The following SPIRE1 variants were observed in gnomAD, a reference collection of about 807,000 sequenced individuals.
SPIRE1 encodes protein spire homolog 1.
A neutral mutation model predicts 94.1 loss-of-function variants in SPIRE1; 40 were observed. The ratio of observed to expected loss-of-function variants is 0.43; its 90% CI spans 0.33 to 0.55. SPIRE1 has a LOEUF of 0.55. Ranked by LOEUF, SPIRE1 falls within the 20% of genes least tolerant of loss-of-function variation. SPIRE1 has a pLI of 0.06. For synonymous variants in SPIRE1, 376 were observed against 371.7 expected (o/e 1.01, Z -0.13); for missense variants, 838 against 975.2 (o/e 0.86, Z 1.87).
Position 12,635,048 on chromosome 18 carries a change from A to G in SPIRE1, c.372+14T>C, listed in dbSNP as rs1452847700. On this transcript the variant is annotated intron_variant, in intron 2 of 16. Coordinates refer to ENST00000409402, the MANE Select transcript of SPIRE1 (RefSeq NM_001128626.2). ...AAGCTGCTTTACTAAGAAATATTTG[A>G]GTATTTCACTTACCTCTGTTTCCAT... 3 of 1,424,458 alleles carry G rather than the reference A, an allele frequency of 2.1e-6. No individual in the cohort carries two copies. The highest frequency in any genetic ancestry group is 2.9e-6 in the Non-Finnish European group (3 of 1,034,876). 88.2% of individuals were successfully genotyped at this position (1,424,458 alleles called of 1,614,324 possible). A position where few individuals can be genotyped will look rare whatever the true frequency, so the allele number is the denominator to read the frequency against.
At chr18:12,601,314 T>C (rs559424166) in intron 2 of SPIRE1, among the ~76,000 whole-genome samples, 1 of 151,106 alleles carries the variant, frequency 6.6e-6, no homozygotes, top group South Asian at 2.1e-4. Flanking sequence ...TCCCAGCTAC[T>C]TGGGAGGCTG....
intron 10 of SPIRE1, among the ~76,000 whole-genome samples, chr18:12,477,483 T>C (rs377246331): frequency 1.3e-5 from 2 of 152,362 alleles, no homozygotes; most frequent in African/African-American, 4.8e-5. Flanking sequence ...TATAGGTTAG[T>C]ATGAATTTAT....
At chr18:12,535,985 A>C (rs1005351480) in intron 3 of SPIRE1, among the ~76,000 whole-genome samples, 3 of 151,978 alleles carry the variant, frequency 2.0e-5, no homozygotes, top group African/African-American at 7.3e-5. Context: ...AAAAACAGAC[A>C]CACCCCCATA....
At chr18:12,597,783 A>AG (rs1460825079) in intron 2 of SPIRE1, among the ~76,000 whole-genome samples, 2 of 152,186 alleles carry the variant, frequency 1.3e-5, no homozygotes, top group Non-Finnish European at 2.9e-5. Flanking sequence ...TCCACTTTCC[A>AG]GGGGCACAAT....
intron 2 of SPIRE1, among the ~76,000 whole-genome samples, chr18:12,615,471 T>C (rs7504522): frequency 1 from 137,255 of 137,564 alleles, 68,473 homozygotes; most frequent in Middle Eastern, 1. Context: ...ACCAGGGAGG[T>C]GGAGGTTGCA....
intron 2 of SPIRE1, among the ~76,000 whole-genome samples, chr18:12,566,553 A>G (rs1298049198): frequency 1.3e-5 from 2 of 152,166 alleles, no homozygotes; most frequent in Non-Finnish European, 2.9e-5. Context: ...GCTTATGTAT[A>G]TATCTTATTC....
At chr18:12,628,280 T>C (rs1598555699) in intron 2 of SPIRE1, among the ~76,000 whole-genome samples, 1 of 152,214 alleles carries the variant, frequency 6.6e-6, no homozygotes, top group African/African-American at 2.4e-5. Flanking sequence ...TAGCCAGTTT[T>C]CCCAGTACCA....
chr18:12,464,447 T>C (rs1386691558), intron 11 of SPIRE1, among the ~76,000 whole-genome samples: 3 of 152,236 alleles, frequency 2.0e-5, no homozygotes, highest in Non-Finnish European at 1.5e-5. Flanking sequence ...GTTCAGAATC[T>C]ATCTCCTAAA....
At chr18:12,644,511 G>GA (rs954115728) in intron 1 of SPIRE1, among the ~76,000 whole-genome samples, 2 of 151,774 alleles carry the variant, frequency 1.3e-5, no homozygotes, top group Admixed American at 6.6e-5. Context: ...GCAAAAGAAG[G>GA]AAAAAAACAA....
At chr18:12,554,499 A>C (rs1429664291) in intron 2 of SPIRE1, among the ~76,000 whole-genome samples, 1 of 152,192 alleles carries the variant, frequency 6.6e-6, no homozygotes, top group Non-Finnish European at 1.5e-5. Context: ...CAAAGTGATA[A>C]AAAGCTTCCC....
intron 6 of SPIRE1, among the ~76,000 whole-genome samples, chr18:12,503,330 A>C (rs2033725730): frequency 1.3e-5 from 2 of 152,164 alleles, no homozygotes; most frequent in Non-Finnish European, 2.9e-5. Flanking sequence ...CACAGCGCGC[A>C]TCCGACCTCT....
chr18:12,600,146 A>G (rs1176326889), intron 2 of SPIRE1, among the ~76,000 whole-genome samples: 1 of 151,596 alleles, frequency 6.6e-6, no homozygotes, highest in Non-Finnish European at 1.5e-5. Context: ...TACCATCACA[A>G]GGAGCTGAAT....
chr18:12,576,530 C>T (rs193063057), intron 2 of SPIRE1, among the ~76,000 whole-genome samples: 152 of 137,074 alleles, frequency 1.1e-3, no homozygotes, highest in Middle Eastern at 4.5e-3. Context: ...TGAGGTGAGC[C>T]GAGATCGTGC....
intron 2 of SPIRE1, among the ~76,000 whole-genome samples, chr18:12,579,970 T>G (rs948034500): frequency 3.3e-5 from 5 of 152,228 alleles, no homozygotes; most frequent in Admixed American, 1.3e-4. Context: ...TTTTAAATAC[T>G]TTCTTCTCTT....
chr18:12,633,121 T>C (rs1048738423), intron 2 of SPIRE1, among the ~76,000 whole-genome samples: 9 of 152,162 alleles, frequency 5.9e-5, no homozygotes, highest in Admixed American at 4.6e-4. Flanking sequence ...TTACTCAAAA[T>C]TGCATAGCTA....
chr18:12,501,084 A>AG (rs1567893574), intron 6 of SPIRE1, among the ~76,000 whole-genome samples: 4 of 109,330 alleles, frequency 3.7e-5, no homozygotes, highest in African/African-American at 7.9e-5. Flanking sequence ...AAAAAAAAAA[A>AG]AAAAAAAAAA....
chr18:12,597,384 T>C (rs1207046967), intron 2 of SPIRE1, among the ~76,000 whole-genome samples: 1 of 151,970 alleles, frequency 6.6e-6, no homozygotes, highest in Non-Finnish European at 1.5e-5. Context: ...GAAAGCCTGG[T>C]GGGAGAGGGG....
Position 12,559,994 on chromosome 18 carries a change from T to A in SPIRE1, c.373-13090A>T, listed in dbSNP as rs1366457570. Among the ~76,000 whole-genome samples, 1 of 152,198 alleles carries A rather than the reference T, an allele frequency of 6.6e-6. No homozygotes were observed. Among genetic ancestry groups the A allele is most frequent in the Non-Finnish European group, 1.5e-5 (1 of 68,022 alleles). ...AATGGCAAACAGGTATATGAAAAGGTGCTTGACATCATTGATTGTCAGAGT... is the reference window on the plus strand; with the variant it reads ...AATGGCAAACAGGTATATGAAAAGGAGCTTGACATCATTGATTGTCAGAGT... On this transcript the variant is annotated intron_variant, in intron 2 of 16. Transcript: ENST00000409402. The surrounding 1 kb of genome is among the most constrained non-coding windows in gnomAD (Gnocchi z 4.7).
Position 12,657,801 on chromosome 18 carries a change from C to T in SPIRE1, c.66G>A (p.Gly22=), listed in dbSNP as rs2038600210. The change falls in exon 1 of 17, where the codon GGG becomes GGA. Residue 22 remains glycine, a synonymous_variant. Transcript: ENST00000409402. The part of the protein sequence containing the change: ...EPRTEAVGGE[G]PREPGAAGGA... ...CGCCGGCTGCCCCGGGCTCCCGCGG[C>T]CCCTCGCCGCCCACTGCCTCAGTCC... The T allele has an allele frequency of 3.2e-6, 4 of 1,260,170 alleles. No homozygotes were observed. The African/African-American group carries it at 4.8e-5, about 15-fold the overall frequency. The allele number at this position is 1,260,170 out of a possible 1,614,324, so 78.1% of individuals were successfully genotyped here. A position where few individuals can be genotyped will look rare whatever the true frequency, so the allele number is the denominator to read the frequency against.
Sources: gnomAD v4.1 joint callset for allele counts (sites outside exome capture counted in the v4.1 genomes callset) on GRCh38, gnomAD v4.1.1 for gene constraint, Gnocchi (gnomAD v3.1) non-coding constraint, MANE v1.5 for transcripts, NCBI Gene and HGNC (gene_info 2026-07-23, HGNC 2026-07-21) for gene names.